The following PCSK5 variants were observed in gnomAD, a reference collection of about 807,000 sequenced individuals.
The protein encoded by PCSK5 is prohormone convertase 5.
In PCSK5, 129 loss-of-function variants were observed where a neutral mutation model predicts 233.2. The observed-to-expected ratio is 0.55, with a 90% CI of 0.48 to 0.64. The LOEUF (loss-of-function observed/expected upper bound fraction) is 0.64, where lower values mean the gene tolerates loss of function less well. Ranked by LOEUF, PCSK5 falls within the 30% of genes least tolerant of loss-of-function variation. The probability of loss-of-function intolerance (pLI) is 0.00; values close to 1 mark genes in which losing one functional copy is unlikely to be tolerated. For missense variants in PCSK5, 2,076 were observed against 2,430.1 expected (o/e 0.85, Z 3.06); for synonymous variants, 825 against 879.2 (o/e 0.94, Z 1.09).
intron 5 of PCSK5, among the ~76,000 whole-genome samples, chr9:76,031,058 G>A (rs534996268): frequency 6.6e-6 from 1 of 152,276 alleles, no homozygotes; most frequent in East Asian, 1.9e-4. Flanking sequence ...CAGCAGTGCC[G>A]AGGGTATAGA....
chr9:75,970,587 T>A (rs1283455970), intron 2 of PCSK5, among the ~76,000 whole-genome samples: 2 of 152,148 alleles, frequency 1.3e-5, no homozygotes, highest in Non-Finnish European at 2.9e-5. Flanking sequence ...TGCCATTCTC[T>A]CTGCTATTTT....
intron 6 of PCSK5, 118 bp downstream of exon 6, chr9:76,068,161 T>C: frequency 3.1e-6 from 2 of 655,078 alleles, no homozygotes; most frequent in East Asian, 5.5e-5. Context: ...TACCTAATAG[T>C]GTTCAACTAT....
At chr9:76,065,915 C>A (rs1473400280) in intron 5 of PCSK5, among the ~76,000 whole-genome samples, 1 of 152,002 alleles carries the variant, frequency 6.6e-6, no homozygotes. Flanking sequence ...CTATTCTTTC[C>A]CCAGTATATG....
chr9:76,249,248 C>T (rs961643491), intron 24 of PCSK5, among the ~76,000 whole-genome samples: 2 of 152,078 alleles, frequency 1.3e-5, no homozygotes, highest in African/African-American at 4.8e-5. Context: ...CAGGACTGCT[C>T]CCCCACAACA....
chr9:76,250,760 A>G (rs1469310425), intron 24 of PCSK5, among the ~76,000 whole-genome samples: 3 of 152,220 alleles, frequency 2.0e-5, no homozygotes, highest in Non-Finnish European at 4.4e-5. Flanking sequence ...GGTAAAAACT[A>G]AAGAAAGCTG....
At chr9:76,007,714 C>T (rs1827537030) in intron 3 of PCSK5, among the ~76,000 whole-genome samples, 2 of 151,258 alleles carry the variant, frequency 1.3e-5, no homozygotes, top group South Asian at 2.1e-4. Flanking sequence ...GCAGCTTTGA[C>T]CTCCTGGGTT....
chr9:76,152,222 T>C (rs1033070285), intron 10 of PCSK5, among the ~76,000 whole-genome samples: 10 of 152,188 alleles, frequency 6.6e-5, no homozygotes, highest in African/African-American at 2.4e-4. Context: ...ACCAGTCTCC[T>C]GGTTTGCCCA....
chr9:76,224,239 A>G (rs1333230838), intron 20 of PCSK5, among the ~76,000 whole-genome samples: 1 of 152,208 alleles, frequency 6.6e-6, no homozygotes, highest in Non-Finnish European at 1.5e-5. Context: ...TCAGACAAGG[A>G]TTGGAGATGT....
At chr9:75,951,978 A>G (rs1334552864) in intron 2 of PCSK5, among the ~76,000 whole-genome samples, 2 of 152,184 alleles carry the variant, frequency 1.3e-5, no homozygotes, top group Non-Finnish European at 2.9e-5. Flanking sequence ...CATTATAACA[A>G]ATTTCAACCA....
At chr9:76,337,111 A>C (rs909383712) in intron 34 of PCSK5, among the ~76,000 whole-genome samples, 2 of 147,502 alleles carry the variant, frequency 1.4e-5, no homozygotes, top group Admixed American at 6.8e-5. Context: ...CCTATTTCAA[A>C]ATTTCTTCTT....
At chr9:76,066,785 G>T (rs528109093) in intron 5 of PCSK5, among the ~76,000 whole-genome samples, 2 of 152,272 alleles carry the variant, frequency 1.3e-5, no homozygotes, top group South Asian at 2.1e-4. Context: ...GATTATAGTT[G>T]CACAGAGAGT....
rs1199686537 is a variant in PCSK5 at position 76,144,580 on chromosome 9, G to A, written c.1312+10368G>A. 2.6e-5 allele frequency among the ~76,000 whole-genome samples: 4 copies of A among 152,324 alleles called. No homozygotes were observed. In the South Asian group the frequency reaches 6.2e-4, roughly 24 times the overall value. On this transcript the variant is annotated intron_variant, in intron 10 of 37. Coordinates refer to ENST00000674117, the MANE Select transcript of PCSK5 (RefSeq NM_001372043.1). ...CAGTCACCAAGGAATGTGCCCTGCA[G>A]TGGGATGATGTCCACCTTAAGGAAA...
chr9:76,058,311 C>G (rs1324749166), intron 5 of PCSK5, among the ~76,000 whole-genome samples: 2 of 152,110 alleles, frequency 1.3e-5, no homozygotes, highest in East Asian at 3.9e-4. Flanking sequence ...GGCCTTGGTT[C>G]AGTGGGATGA....
intron 30 of PCSK5, among the ~76,000 whole-genome samples, chr9:76,320,791 A>G (rs1829175899): frequency 6.7e-6 from 1 of 148,934 alleles, no homozygotes; most frequent in African/African-American, 2.5e-5. Flanking sequence ...GCTTTTTAAA[A>G]TCTTAGTAAC....
intron 20 of PCSK5, among the ~76,000 whole-genome samples, chr9:76,200,550 G>C (rs183114337): frequency 4.3e-4 from 65 of 152,274 alleles, no homozygotes; most frequent in African/African-American, 1.4e-3. Flanking sequence ...TACATGTCCA[G>C]CACATGCCTT....
chr9:76,093,275 T>G (rs1406209581), intron 7 of PCSK5, among the ~76,000 whole-genome samples: 1 of 151,792 alleles, frequency 6.6e-6, no homozygotes, highest in African/African-American at 2.4e-5. Context: ...TTTAATTTTT[T>G]GTAAATATGT....
rs1372006750 is a variant in PCSK5, at chr9:76,358,660, C to A, written c.5402C>A (p.Ala1801Glu). ...AAATCTCGTGGCCGAGTCCAGCCAG[C>A]AGCAAAGGCCGGCTATGAAAAACTG... Reference protein sequence around the residue: ...WKKSRGRVQPAAKAGYEKLAD... With the variant: ...WKKSRGRVQPEAKAGYEKLAD... The change falls in exon 38 of 38, where the codon GCA becomes GAA. Residue 1801 changes from alanine (A) to glutamate (E), a missense_variant. By Grantham distance (107) the Ala-to-Glu change is moderately radical. This residue lies in a region of PCSK5 where 1,510 missense variants were observed against 1,538.1 expected (regional missense o/e 0.98). Coordinates refer to ENST00000674117, the MANE Select transcript of PCSK5 (RefSeq NM_001372043.1). 2 of 1,612,804 alleles carry A rather than the reference C, an allele frequency of 1.2e-6. No individual in the cohort carries two copies. The highest frequency in any genetic ancestry group is 1.7e-6 in the Non-Finnish European group (2 of 1,179,882).
chr9:75,975,246 T>G (rs1825967360), intron 2 of PCSK5, among the ~76,000 whole-genome samples: 1 of 152,130 alleles, frequency 6.6e-6, no homozygotes, highest in Admixed American at 6.5e-5. Context: ...TTAGAAACAA[T>G]AGCCATTGCC....
rs931305058 is a variant in PCSK5 at position 76,272,560 on chromosome 9, G to A, written c.3143-19673G>A. Among the ~76,000 whole-genome samples, 3 of 151,860 alleles carry A rather than the reference G, an allele frequency of 2.0e-5. No homozygotes were observed. The East Asian group carries it at 5.8e-4, about 30-fold the overall frequency. On this transcript the variant is annotated intron_variant, in intron 24 of 37. Coordinates refer to ENST00000674117, the MANE Select transcript of PCSK5 (RefSeq NM_001372043.1). ...GAGGCTGAGACGGGCGGATCACGAGGTCAGGAGATTGAGACCATCCTGGCC... is the reference window on the plus strand; with the variant it reads ...GAGGCTGAGACGGGCGGATCACGAGATCAGGAGATTGAGACCATCCTGGCC...
Sources: gnomAD v4.1 joint callset for allele counts (sites outside exome capture counted in the v4.1 genomes callset) on GRCh38, gnomAD v4.1.1 for gene constraint, gnomAD v4.1.1 regional missense constraint, MANE v1.5 for transcripts, NCBI Gene and HGNC (gene_info 2026-07-23, HGNC 2026-07-21) for gene names.